ZNF154: variants seen among roughly 807,000 people sequenced by gnomAD.
ZNF154 encodes zinc finger protein 154, also known as zinc finger protein 154 (pHZ-92).
Under a neutral mutation model 7.5 loss-of-function variants are expected in ZNF154, and 6 were observed. The ratio of observed to expected loss-of-function variants is 0.80; its 90% CI spans 0.44 to 1.57. ZNF154 has a LOEUF of 1.57. Ranked by LOEUF, ZNF154 falls within the 40% of genes most tolerant of loss-of-function variation. ZNF154 has a pLI of 0.01. For synonymous variants in ZNF154, 187 were observed against 185.9 expected (o/e 1.01, Z -0.05); for missense variants, 485 against 531.4 (o/e 0.91, Z 0.86).
intron 2 of ZNF154, among the ~76,000 whole-genome samples, chr19:57,703,265 A>G (rs1365061507): frequency 6.6e-6 from 1 of 152,002 alleles, no homozygotes; most frequent in Non-Finnish European, 1.5e-5. Flanking sequence ...AGGTGGGTGG[A>G]TCACAAAGTC....
In ZNF154 at chr19:57,705,017, C is replaced by G. The variant is rs546455481; in HGVS notation, c.34-38G>C. ...GAACAGATGAAACCACCAAGAGCCC[C>G]TATCCCAAGGACCCACAATGCATAC... On this transcript the variant is annotated intron_variant, in intron 1 of 2. Transcript: ENST00000684351. 3.2e-5 allele frequency: 50 copies of G among 1,583,694 alleles called. No homozygotes were observed. The South Asian group carries it at 5.5e-4, about 17-fold the overall frequency.
intron 2 of ZNF154, among the ~76,000 whole-genome samples, chr19:57,703,388 G>A (rs1985260581): frequency 6.7e-6 from 1 of 150,356 alleles, no homozygotes; most frequent in African/African-American, 2.5e-5. Context: ...AGGAGGCTGA[G>A]GCAGGAGAAT....
chr19:57,708,869 C>T (rs1985509753), intron 1 of ZNF154, 70 bp downstream of exon 1: 1 of 1,532,836 alleles, frequency 6.5e-7, no homozygotes, highest in Middle Eastern at 1.7e-4. Flanking sequence ...CTCGAGCAGG[C>T]GCCCCTCACT....
intron 1 of ZNF154, among the ~76,000 whole-genome samples, chr19:57,706,594 T>C (rs1301996078): frequency 6.6e-6 from 1 of 152,192 alleles, no homozygotes; most frequent in African/African-American, 2.4e-5. Flanking sequence ...TTGCCTCAAA[T>C]ACACCTATGC....
Position 57,699,898 on chromosome 19 carries a change from G to A in ZNF154, c.*1737C>T, listed in dbSNP as rs1600031222. The A allele has an allele frequency of 2.6e-5, 4 of 152,378 alleles. No individual in the cohort carries two copies. In the South Asian group the frequency reaches 8.3e-4, roughly 32 times the overall value. 9.4% of individuals were successfully genotyped at this position (152,378 alleles called of 1,614,324 possible). On this transcript the variant is annotated 3_prime_UTR_variant, in exon 3 of 3. Coordinates refer to ENST00000684351, the MANE Select transcript of ZNF154 (RefSeq NM_001085384.3). ...TGAGGCAGAAGAATCGCTTGAACCT[G>A]GGAGGCGGAGGTTGCAATGAGCTGA...
intron 2 of ZNF154, 121 bp from the exon 3 acceptor site, chr19:57,702,909 A>AGGG: frequency 1.0e-6 from 1 of 953,506 alleles, no homozygotes; most frequent in Non-Finnish European, 1.5e-6. Flanking sequence ...CACGTCTCAC[A>AGGG]GTGGTGGGCC....
chr19:57,702,831 A>T, intron 2 of ZNF154, 43 bp from the exon 3 acceptor site: 1 of 1,553,030 alleles, frequency 6.4e-7, no homozygotes. Context: ...CCACCTCTAT[A>T]TAATTTCTGC....
Position 57,698,149 on chromosome 19 carries a change from G to A in ZNF154, c.*3486C>T, listed in dbSNP as rs899451210. 4 of 152,248 alleles carry A rather than the reference G, an allele frequency of 2.6e-5. No individual in the cohort carries two copies. The highest frequency in any genetic ancestry group is 7.2e-5 in the African/African-American group (3 of 41,562). The allele number at this position is 152,248 out of a possible 1,614,324, so 9.4% of individuals were successfully genotyped here. ...AAGAAACTACTCATAGAGGTATAAT[G>A]ATGAATCTCAAAATAAATACGTGAC... On this transcript the variant is annotated 3_prime_UTR_variant, in exon 3 of 3. Coordinates refer to ENST00000684351, the MANE Select transcript of ZNF154 (RefSeq NM_001085384.3).
intron 1 of ZNF154, among the ~76,000 whole-genome samples, chr19:57,706,494 T>C (rs1208848688): frequency 6.6e-6 from 1 of 152,138 alleles, no homozygotes; most frequent in Non-Finnish European, 1.5e-5. Context: ...CCAGGTTGAA[T>C]AAACACCCTA....
At position 57,702,713 on chromosome 19, in the gene ZNF154, G is replaced by T. The variant is rs761371553; in HGVS notation, c.236C>A (p.Thr79Asn). The change falls in exon 3 of 3, where the codon ACC (threonine) becomes AAC (asparagine). Residue 79 changes from threonine to asparagine, a missense_variant. By Grantham distance (65) the Thr-to-Asn change is moderately conservative. Coordinates refer to ENST00000684351, the MANE Select transcript of ZNF154 (RefSeq NM_001085384.3). The part of the protein sequence containing the change: ...SNVGRALFVK[T>N]CTFHVSGEPS... ...CTCCCCTGACACATGGAATGTGCAG[G>T]TCTTCACAAACAAGGCTCTGCCCAC... 2 of 1,613,180 alleles carry T rather than the reference G, an allele frequency of 1.2e-6. No homozygotes were observed. The highest frequency in any genetic ancestry group is 8.5e-7 in the Non-Finnish European group (1 of 1,179,422).
rs534550183 is a variant in ZNF154 at position 57,702,749 on chromosome 19, A to G, written c.200T>C (p.Phe67Ser). ...CAAGGCTCTGCCCACATTGCTTCTGAAATGTTTTTCTCCAAGGTGCTGCTT... is the reference window on the plus strand; with the variant it reads ...CAAGGCTCTGCCCACATTGCTTCTGGAATGTTTTTCTCCAAGGTGCTGCTT... ...HQKQHLGEKHFRSNVGRALFV... is the reference protein window; with the variant it reads ...HQKQHLGEKHSRSNVGRALFV... Residue 67 changes from phenylalanine to serine, a missense_variant, in exon 3 of 3, where the codon TTC becomes TCC. Coordinates refer to ENST00000684351, the MANE Select transcript of ZNF154 (RefSeq NM_001085384.3). 7 of 1,602,808 alleles carry G rather than the reference A, an allele frequency of 4.4e-6. No individual in the cohort carries two copies. In the African/African-American group the frequency reaches 9.4e-5, roughly 21 times the overall value.
At chr19:57,708,818 C>T in intron 1 of ZNF154, 121 bp downstream of exon 1, 3 of 1,348,842 alleles carry the variant, frequency 2.2e-6, no homozygotes, top group Non-Finnish European at 3.0e-6. Context: ...AAGGGCCCCA[C>T]CCACGAACGC....
chr19:57,696,299 C>T lies in ZNF154; in HGVS notation c.*5336G>A, dbSNP rs1440143383. Among the ~76,000 whole-genome samples, 1 of 152,066 alleles carries T rather than the reference C, an allele frequency of 6.6e-6. No homozygotes were observed. Among genetic ancestry groups the T allele is most frequent in the East Asian group, 1.9e-4 (1 of 5,174 alleles). On this transcript the variant is annotated 3_prime_UTR_variant, in exon 3 of 3. Transcript: ENST00000684351. ...GTAGAAGCTGTGGGGTCAGGGGGTT[C>T]TAAGAAGCCCCATTTCTCTTTCTCT...
chr19:57,701,526 C>T lies in ZNF154; in HGVS notation c.*109G>A, dbSNP rs140567483. On this transcript the variant is annotated 3_prime_UTR_variant, in exon 3 of 3. Coordinates refer to ENST00000684351, the MANE Select transcript of ZNF154 (RefSeq NM_001085384.3). Reference sequence around the variant, plus strand: ...TGTCTTTCCCTTGTGAACTGTGTGGCACTCAATGAGATATGGCCTTCAGCT... The same window carrying T: ...TGTCTTTCCCTTGTGAACTGTGTGGTACTCAATGAGATATGGCCTTCAGCT... 32 of 1,175,766 alleles carry T rather than the reference C, an allele frequency of 2.7e-5. No homozygotes were observed. The highest frequency in any genetic ancestry group is 3.3e-5 in the Non-Finnish European group (28 of 840,816). 72.8% of individuals were successfully genotyped at this position (1,175,766 alleles called of 1,614,324 possible). A position where few individuals can be genotyped will look rare whatever the true frequency, so the allele number is the denominator to read the frequency against.
intron 1 of ZNF154, among the ~76,000 whole-genome samples, chr19:57,708,736 C>T (rs1307370985): frequency 6.6e-6 from 1 of 152,182 alleles, no homozygotes; most frequent in Admixed American, 6.5e-5. Context: ...TCAGTCGCGC[C>T]TCAACCTTTG....
Position 57,699,456 on chromosome 19 carries a change from G to A in ZNF154, c.*2179C>T. On this transcript the variant is annotated 3_prime_UTR_variant, in exon 3 of 3. Coordinates refer to ENST00000684351, the MANE Select transcript of ZNF154 (RefSeq NM_001085384.3). ...ACAACTCACGATATAAACACATTTG[G>A]CCCAGGAACTGCTAACGAATGTACA... The A allele has an allele frequency of 2.8e-6, 1 of 360,296 alleles. No individual in the cohort carries two copies. The highest frequency in any genetic ancestry group is 2.1e-5 in the South Asian group (1 of 47,800). The allele number at this position is 360,296 out of a possible 1,614,324, so 22.3% of individuals were successfully genotyped here.
At position 57,702,004 on chromosome 19, in the gene ZNF154, G is replaced by A; in HGVS notation, c.945C>T (p.Ser315=). 6.2e-7 allele frequency: 1 copy of A among 1,613,090 alleles called. No individual in the cohort carries two copies. Among genetic ancestry groups the A allele is most frequent in the Non-Finnish European group, 8.5e-7 (1 of 1,179,908 alleles). Residue 315 remains serine (S), a synonymous_variant, in exon 3 of 3, where the codon AGC becomes AGT. Transcript: ENST00000684351. ...TGTGAACCCTATGGTGTTCAATGAG[G>A]CTAGAGTTTTGGCTAAATGACTTCC... The part of the protein sequence containing the change: ...ECGKSFSQNS[S]LIEHHRVHTG...
Position 57,708,862 on chromosome 19 carries a change from G to C in ZNF154, c.33+77C>G, listed in dbSNP as rs1985509559. ...CCCCGACCCTGGGCAGCGGGGACTC[G>C]AGCAGGCGCCCCTCACTGATGGCTT... On this transcript the variant is annotated intron_variant, in intron 1 of 2. Transcript: ENST00000684351. 2.3e-5 allele frequency: 35 copies of C among 1,529,750 alleles called. 2 individuals are homozygous for C. The South Asian group carries it at 3.8e-4, about 17-fold the overall frequency. 94.8% of individuals were successfully genotyped at this position (1,529,750 alleles called of 1,614,324 possible).
chr19:57,701,748 T>C lies in ZNF154; in HGVS notation c.1201A>G (p.Ile401Val), dbSNP rs779274230. 1 of 1,613,826 alleles carries C rather than the reference T, an allele frequency of 6.2e-7. No individual in the cohort carries two copies. Among genetic ancestry groups the C allele is most frequent in the Non-Finnish European group, 8.5e-7 (1 of 1,179,928 alleles). The stretch of plus-strand genomic sequence containing the variant: ...CCAGTGTGAACCCTCCTGTGCTTAA[T>C]GAGGCCGGAATTTTGAGTAAAGGAT... ...GKSFTQNSGL[I>V]KHRRVHTGEK... is the part of the protein sequence containing the mutation. Residue 401 changes from isoleucine to valine, a missense_variant, in exon 3 of 3, where the codon ATT (isoleucine) becomes GTT (valine). Physicochemically the swap from Ile to Val is conservative, Grantham distance 29 (BLOSUM62 3). Coordinates refer to ENST00000684351, the MANE Select transcript of ZNF154 (RefSeq NM_001085384.3).
Sources: gnomAD v4.1 joint callset for allele counts (sites outside exome capture counted in the v4.1 genomes callset) on GRCh38, gnomAD v4.1.1 for gene constraint, MANE v1.5 for transcripts, NCBI Gene and HGNC (gene_info 2026-07-23, HGNC 2026-07-21) for gene names.